Variants in AGBL4 observed in about 807,000 individuals in gnomAD.
AGBL4 encodes the protein AGBL carboxypeptidase 4.
In AGBL4, 58 loss-of-function variants were observed where a neutral mutation model predicts 66.4. The ratio of observed to expected loss-of-function variants is 0.87; its 90% confidence interval spans 0.71 to 1.09. The LOEUF is 1.09. Among genes scored for constraint, AGBL4 ranks in the 50% least tolerant of loss-of-function variants. AGBL4 has a pLI of 0.00. For missense variants in AGBL4, 579 were observed against 631.0 expected (o/e 0.92, Z 0.88); for synonymous variants, 234 against 222.9 (o/e 1.05, Z -0.44).
At chr1:49,830,970 T>C (rs187902876) in intron 2 of AGBL4, among the ~76,000 whole-genome samples, 196 of 152,320 alleles carry the variant, frequency 1.3e-3, no homozygotes, top group African/African-American at 4.5e-3. Context: ...GCTCTATATA[T>C]CTGTTTTGGT....
At chr1:48,875,744 G>A (rs931462046) in intron 5 of AGBL4, among the ~76,000 whole-genome samples, 1 of 152,226 alleles carries the variant, frequency 6.6e-6, no homozygotes, top group African/African-American at 2.4e-5. Context: ...TGCTGTGGCT[G>A]AAGCAGCTGC....
At chr1:49,400,498 C>A (rs1358581614) in intron 3 of AGBL4, among the ~76,000 whole-genome samples, 1 of 152,072 alleles carries the variant, frequency 6.6e-6, no homozygotes, top group Non-Finnish European at 1.5e-5. Flanking sequence ...AAATAGTGAT[C>A]TTTCCAATTC....
intron 2 of AGBL4, among the ~76,000 whole-genome samples, chr1:49,699,861 T>A (rs1383739029): frequency 6.6e-6 from 1 of 151,920 alleles, no homozygotes; most frequent in Admixed American, 6.6e-5. Flanking sequence ...TATATCATAC[T>A]GGAAATGTGC....
chr1:48,776,716 G>A, intron 6 of AGBL4: 1 of 1,527,232 alleles, frequency 6.5e-7, no homozygotes, highest in Admixed American at 2.1e-5. Context: ...CCGGTACACG[G>A]CGTACACCTT....
At chr1:49,695,163 A>G (rs1646960571) in intron 3 of AGBL4, among the ~76,000 whole-genome samples, 1 of 152,138 alleles carries the variant, frequency 6.6e-6, no homozygotes, top group Non-Finnish European at 1.5e-5. Flanking sequence ...AATTCCCTTT[A>G]TGAATTTAGA....
At chr1:49,761,774 T>C (rs1483109790) in intron 2 of AGBL4, among the ~76,000 whole-genome samples, 1 of 152,218 alleles carries the variant, frequency 6.6e-6, no homozygotes, top group Non-Finnish European at 1.5e-5. Context: ...ATCACCTTAC[T>C]ATATTGTGAA....
At chr1:49,027,791 G>T (rs188911589) in intron 5 of AGBL4, among the ~76,000 whole-genome samples, 41 of 152,268 alleles carry the variant, frequency 2.7e-4, no homozygotes, top group Admixed American at 1.6e-3. Context: ...AGGCATGGTA[G>T]ACCAAGAGTA....
At chr1:49,593,940 T>A (rs1644802647) in intron 3 of AGBL4, among the ~76,000 whole-genome samples, 1 of 152,150 alleles carries the variant, frequency 6.6e-6, no homozygotes, top group Non-Finnish European at 1.5e-5. Context: ...TGCACATACT[T>A]GTATATGAAT....
chr1:49,031,641 A>G (rs1204650973), intron 5 of AGBL4, among the ~76,000 whole-genome samples: 1 of 152,116 alleles, frequency 6.6e-6, no homozygotes, highest in Admixed American at 6.6e-5. Context: ...ATGGCCAATA[A>G]GCACACAAAA....
chr1:49,122,638 C>A (rs1308665694), intron 4 of AGBL4, among the ~76,000 whole-genome samples: 2 of 152,174 alleles, frequency 1.3e-5, no homozygotes, highest in African/African-American at 4.8e-5. Flanking sequence ...AAGCAACCTG[C>A]AGTTTAATCC....
chr1:49,289,624 C>A (rs1379406492), intron 3 of AGBL4, among the ~76,000 whole-genome samples: 1 of 152,082 alleles, frequency 6.6e-6, no homozygotes, highest in African/African-American at 2.4e-5. Flanking sequence ...CACATATTCA[C>A]TAAAATACTT....
intron 5 of AGBL4, among the ~76,000 whole-genome samples, chr1:48,868,995 G>A (rs1266676792): frequency 6.6e-6 from 1 of 152,034 alleles, no homozygotes; most frequent in Admixed American, 6.6e-5. Context: ...CATAAGACCT[G>A]GTCTCAAATC....
rs534077502 is a variant in AGBL4, at chr1:49,925,739, G to A, written c.35-74221C>T. Among the ~76,000 whole-genome samples the A allele has an allele frequency of 1.2e-3, 182 of 152,298 alleles. 1 individual carries two copies. Among genetic ancestry groups the A allele is most frequent in the Non-Finnish European group, 1.1e-3 (74 of 68,028 alleles). ...GAAGTGAAATTGGCAGTGCCCTGGC[G>A]GTGCTCCCCGTGGGCAGGTGGTAGT... On this transcript the variant is annotated intron_variant, in intron 1 of 13. Transcript: ENST00000371839.
At chr1:49,920,844 T>A (rs541431860) in intron 1 of AGBL4, among the ~76,000 whole-genome samples, 61 of 152,292 alleles carry the variant, frequency 4.0e-4, no homozygotes, top group African/African-American at 1.4e-3. Flanking sequence ...ACGAATCCAC[T>A]GTCCATCAAT....
intron 1 of AGBL4, among the ~76,000 whole-genome samples, chr1:49,930,660 C>T (rs1254209542): frequency 1.3e-5 from 2 of 151,974 alleles, no homozygotes; most frequent in South Asian, 2.1e-4. Context: ...AATTAACATA[C>T]CAAAAACATG....
chr1:49,962,160 T>C (rs1444247387), intron 1 of AGBL4, among the ~76,000 whole-genome samples: 1 of 152,148 alleles, frequency 6.6e-6, no homozygotes, highest in Non-Finnish European at 1.5e-5. Flanking sequence ...CAGAAAAGAC[T>C]AGACCTGTCC....
chr1:48,752,180 C>T (rs927432233), intron 6 of AGBL4, among the ~76,000 whole-genome samples: 5 of 152,134 alleles, frequency 3.3e-5, no homozygotes, highest in African/African-American at 1.2e-4. Context: ...CTCTTGTCCA[C>T]CCGCTTTGGG....
At chr1:48,647,888 A>T (rs185675864) in intron 8 of AGBL4, among the ~76,000 whole-genome samples, 1 of 152,310 alleles carries the variant, frequency 6.6e-6, no homozygotes, top group Non-Finnish European at 1.5e-5. Flanking sequence ...CCCCAACTCC[A>T]GTTGCCTTCC....
intron 6 of AGBL4, among the ~76,000 whole-genome samples, chr1:48,767,048 T>A (rs1644565848): frequency 6.6e-6 from 1 of 152,144 alleles, no homozygotes; most frequent in Non-Finnish European, 1.5e-5. Context: ...ATACCTCACA[T>A]CCATAGAAGA....
Sources: allele counts gnomAD v4.1 joint callset (sites outside exome capture counted in the v4.1 genomes callset), GRCh38; gene constraint gnomAD v4.1.1; transcripts MANE v1.5; gene names NCBI Gene and HGNC (gene_info 2026-07-23, HGNC 2026-07-21).